RNF169: variants seen among roughly 807,000 people sequenced by gnomAD.
RNF169 encodes the protein E3 ubiquitin-protein ligase RNF169.
A neutral mutation model predicts 53.9 loss-of-function variants in RNF169; 24 were observed. The observed-to-expected ratio is 0.45, with a 90% confidence interval of 0.32 to 0.63. The LOEUF is 0.63. Ranked by LOEUF, RNF169 falls within the 20% of genes least tolerant of loss-of-function variation. RNF169 has a pLI of 0.04. For missense variants in RNF169, 883 were observed against 906.2 expected (o/e 0.97, Z 0.33); for synonymous variants, 396 against 363.5 (o/e 1.09, Z -1.02).
At chr11:74,767,335 G>C (rs187426820) in intron 1 of RNF169, among the ~76,000 whole-genome samples, 1 of 152,076 alleles carries the variant, frequency 6.6e-6, no homozygotes, top group Non-Finnish European at 1.5e-5. Flanking sequence ...GCTTAAAAAA[G>C]CATTTGACAA....
chr11:74,829,860 G>A (rs910616707), intron 4 of RNF169, among the ~76,000 whole-genome samples: 3 of 152,126 alleles, frequency 2.0e-5, no homozygotes, highest in African/African-American at 7.2e-5. Context: ...CAGGAGAATG[G>A]GGGTGGGAGG....
At chr11:74,776,527 A>T (rs962378013) in intron 1 of RNF169, among the ~76,000 whole-genome samples, 2 of 151,868 alleles carry the variant, frequency 1.3e-5, no homozygotes, top group African/African-American at 2.4e-5. Flanking sequence ...AAAAAAAAAA[A>T]AAAAAAATTT....
intron 1 of RNF169, among the ~76,000 whole-genome samples, chr11:74,755,521 A>G (rs1471276836): frequency 1.3e-5 from 2 of 152,236 alleles, no homozygotes; most frequent in Admixed American, 6.5e-5. Flanking sequence ...AAAAAGATGA[A>G]TAAGACATGG....
At chr11:74,802,635 T>A (rs2035748886) in intron 2 of RNF169, among the ~76,000 whole-genome samples, 1 of 152,130 alleles carries the variant, frequency 6.6e-6, no homozygotes, top group South Asian at 2.1e-4. Flanking sequence ...AGAGTGAGAT[T>A]CTGTCTCAAA....
In RNF169 at chr11:74,835,838, G is replaced by A. The variant is rs1309338384; in HGVS notation, c.1235G>A (p.Arg412His). 16 of 1,614,016 alleles carry A rather than the reference G, an allele frequency of 9.9e-6. No individual in the cohort carries two copies. The highest frequency in any genetic ancestry group is 1.6e-4 in the Middle Eastern group (1 of 6,062). Residue 412 changes from arginine to histidine, a missense_variant, in exon 6 of 6, where the codon CGC becomes CAC. Arg to His is a conservative substitution (Grantham distance 29, BLOSUM62 0). Coordinates refer to ENST00000299563, the MANE Select transcript of RNF169 (RefSeq NM_001098638.2). ...CCTCTCATCATCAAATCAACTCCACGCAACCTAAACAGAAGCCTGCAGAAG... is the reference window on the plus strand; with the variant it reads ...CCTCTCATCATCAAATCAACTCCACACAACCTAAACAGAAGCCTGCAGAAG... Reference protein sequence around the residue: ...LSPLIIKSTPRNLNRSLQKQT... With the variant: ...LSPLIIKSTPHNLNRSLQKQT...
rs951178549 is a variant in RNF169 at position 74,841,945 on chromosome 11, A to G, written c.*5215A>G. On this transcript the variant is annotated 3_prime_UTR_variant, in exon 6 of 6. Transcript: ENST00000299563. ...CGCTGAGCCTCCAGCAGAGCACTTA[A>G]AAGTCCTAGTGAGAGAATAGATACT... The G allele has an allele frequency of 6.6e-6, 1 of 152,272 alleles. No individual in the cohort carries two copies. Among genetic ancestry groups the G allele is most frequent in the African/African-American group, 2.4e-5 (1 of 41,466 alleles). 9.4% of individuals were successfully genotyped at this position (152,272 alleles called of 1,614,324 possible). A position where few individuals can be genotyped will look rare whatever the true frequency, so the allele number is the denominator to read the frequency against.
At chr11:74,813,933 G>C (rs968942642) in intron 3 of RNF169, among the ~76,000 whole-genome samples, 1 of 151,912 alleles carries the variant, frequency 6.6e-6, no homozygotes, top group African/African-American at 2.4e-5. Context: ...CTCGTGATCC[G>C]CCCGCCTCAG....
At chr11:74,811,084 C>T (rs1048986762) in intron 3 of RNF169, among the ~76,000 whole-genome samples, 2 of 151,678 alleles carry the variant, frequency 1.3e-5, no homozygotes, top group South Asian at 2.1e-4. Context: ...CAGCTGGAAT[C>T]GATAAAGCTT....
chr11:74,749,358 C>T lies in RNF169; in HGVS notation c.478C>T (p.Pro160Ser). 1.6e-6 allele frequency: 2 copies of T among 1,234,776 alleles called. No individual in the cohort carries two copies. Among genetic ancestry groups the T allele is most frequent in the Non-Finnish European group, 2.0e-6 (2 of 986,800 alleles). The allele number at this position is 1,234,776 out of a possible 1,614,324, so 76.5% of individuals were successfully genotyped here. ...CGCGGGGCCCAGGCCAGAGCAGGAG[C>T]CGCGTGCCGCGCCTGCGGAGCCAGG... The part of the protein sequence containing the change: ...AAAGPRPEQE[P>S]RAAPAEPDFI... The change falls in exon 1 of 6, where the codon CCG (proline) becomes TCG (serine). Residue 160 changes from proline to serine, a missense_variant. Physicochemically the swap from Pro to Ser is moderately conservative, Grantham distance 74. Coordinates refer to ENST00000299563, the MANE Select transcript of RNF169 (RefSeq NM_001098638.2).
intron 1 of RNF169, among the ~76,000 whole-genome samples, chr11:74,786,335 C>T (rs763565174): frequency 2.0e-5 from 3 of 151,736 alleles, no homozygotes; most frequent in Non-Finnish European, 4.4e-5. Context: ...TGGGCTCGAG[C>T]AGTCCTTCTG....
chr11:74,803,179 G>A (rs998058152), intron 2 of RNF169, among the ~76,000 whole-genome samples: 9 of 151,420 alleles, frequency 5.9e-5, no homozygotes, highest in Non-Finnish European at 8.8e-5. Context: ...TCCGCCTCCT[G>A]GGTTCATGCT....
At chr11:74,822,714 CTG>C (rs1028116294) in intron 4 of RNF169, among the ~76,000 whole-genome samples, 6 of 152,196 alleles carry the variant, frequency 3.9e-5, no homozygotes, top group South Asian at 2.1e-4. Flanking sequence ...CATAGAGTCT[CTG>C]TGTGGATTAA....
chr11:74,811,389 G>C (rs905755897), intron 3 of RNF169, among the ~76,000 whole-genome samples: 1 of 152,084 alleles, frequency 6.6e-6, no homozygotes, highest in African/African-American at 2.4e-5. Flanking sequence ...CTACAGGCTT[G>C]TGCCACTATA....
intron 4 of RNF169, among the ~76,000 whole-genome samples, chr11:74,824,647 T>A (rs2036066235): frequency 6.6e-6 from 1 of 151,828 alleles, no homozygotes; most frequent in African/African-American, 2.4e-5. Flanking sequence ...CATGAAAAAG[T>A]TTGAAATATT....
chr11:74,769,057 C>T (rs2035219406), intron 1 of RNF169, among the ~76,000 whole-genome samples: 1 of 151,902 alleles, frequency 6.6e-6, no homozygotes, highest in Non-Finnish European at 1.5e-5. Flanking sequence ...AACAAACACA[C>T]CAGAAACAGA....
intron 1 of RNF169, among the ~76,000 whole-genome samples, chr11:74,766,710 G>A (rs1338816459): frequency 6.6e-6 from 1 of 152,174 alleles, no homozygotes; most frequent in Non-Finnish European, 1.5e-5. Context: ...ATCTGTGGTA[G>A]TTCATTATAC....
Position 74,748,902 on chromosome 11 carries a change from A to C in RNF169, c.22A>C (p.Thr8Pro). Residue 8 changes from threonine to proline, a missense_variant, in exon 1 of 6, where the codon ACT becomes CCT. By Grantham distance (38) the Thr-to-Pro change is conservative. Around this residue, in one of 3 missense-constraint regions of RNF169, gnomAD observed 313 missense variants for 279.9 expected, o/e 1.12. Coordinates refer to ENST00000299563, the MANE Select transcript of RNF169 (RefSeq NM_001098638.2). MAAAGPS[T>P]RASSAAAAAA... Reference sequence around the variant, plus strand: ...CAAGATGGCGGCTGCAGGTCCGAGTACTCGGGCCTCTTCCGCGGCGGCAGC... The same window carrying C: ...CAAGATGGCGGCTGCAGGTCCGAGTCCTCGGGCCTCTTCCGCGGCGGCAGC... 6.9e-7 allele frequency: 1 copy of C among 1,443,756 alleles called. No individual in the cohort carries two copies. The allele number at this position is 1,443,756 out of a possible 1,614,324, so 89.4% of individuals were successfully genotyped here. A position where few individuals can be genotyped will look rare whatever the true frequency, so the allele number is the denominator to read the frequency against.
chr11:74,807,118 G>T (rs574288880), intron 2 of RNF169, among the ~76,000 whole-genome samples: 1 of 152,164 alleles, frequency 6.6e-6, no homozygotes, highest in South Asian at 2.1e-4. Context: ...GTAGTGGATG[G>T]CTTCATTCTA....
In RNF169 at chr11:74,749,366, C is replaced by T. The variant is rs777876455; in HGVS notation, c.486C>T (p.Ala162=). ...CCAGGCCAGAGCAGGAGCCGCGTGC[C>T]GCGCCTGCGGAGCCAGGTGGAGCTT... ...AGPRPEQEPR[A]APAEPDFIFR... The change falls in exon 1 of 6, where the codon GCC becomes GCT. Residue 162 remains alanine, a synonymous_variant. Transcript: ENST00000299563. The T allele has an allele frequency of 6.4e-6, 8 of 1,240,926 alleles. No homozygotes were observed. The highest frequency in any genetic ancestry group is 7.1e-6 in the Non-Finnish European group (7 of 989,628). The allele number at this position is 1,240,926 out of a possible 1,614,324, so 76.9% of individuals were successfully genotyped here.
Sources: gnomAD v4.1 joint callset for allele counts (sites outside exome capture counted in the v4.1 genomes callset) on GRCh38, gnomAD v4.1.1 for gene constraint, gnomAD v4.1.1 regional missense constraint, MANE v1.5 for transcripts, NCBI Gene and HGNC (gene_info 2026-07-23, HGNC 2026-07-21) for gene names.